Variants in GLRA1 observed in about 807,000 individuals in gnomAD.
GLRA1 encodes the protein glycine receptor subunit alpha-1.
In GLRA1, 37 loss-of-function variants were observed where a neutral mutation model predicts 48.3. The observed-to-expected ratio is 0.77, with a 90% CI of 0.59 to 1.01. GLRA1 has a LOEUF of 1.01. GLRA1 is among the 50% of genes least tolerant of loss of function. The pLI, the probability that GLRA1 is intolerant of heterozygous loss-of-function variation, is 0.00. For synonymous variants in GLRA1, 196 were observed against 210.7 expected (o/e 0.93, Z 0.60); for missense variants, 427 against 571.0 (o/e 0.75, Z 2.57).
At chr5:151,893,283 A>ACTTTCTTTTT (rs1754131802) in intron 1 of GLRA1, among the ~76,000 whole-genome samples, 1 of 76,118 alleles carries the variant, frequency 1.3e-5, no homozygotes, top group South Asian at 4.9e-4. Flanking sequence ...CCTCTGCCCA[A>ACTTTCTTTTT]CTTTCTTTCT....
rs1037358087 is a variant in GLRA1, at chr5:151,828,868, C to A, written c.1059+53G>T. On this transcript the variant is annotated intron_variant, in intron 8 of 8. Transcript: ENST00000274576. The stretch of plus-strand genomic sequence containing the variant: ...TAACACAAGACAATACTGCTTAGAA[C>A]TCTTTTGTTTACTAACAGCTGTCCC... 3 of 1,553,078 alleles carry A rather than the reference C, an allele frequency of 1.9e-6. No individual in the cohort carries two copies. In the Admixed American group the frequency reaches 5.2e-5, roughly 27 times the overall value.
intron 8 of GLRA1, among the ~76,000 whole-genome samples, chr5:151,825,905 A>C (rs1763258051): frequency 6.6e-6 from 1 of 152,210 alleles, no homozygotes; most frequent in African/African-American, 2.4e-5. Context: ...TCTGCAGAAG[A>C]AGCTTGTACA....
intron 1 of GLRA1, among the ~76,000 whole-genome samples, chr5:151,915,842 T>A (rs537913214): frequency 6.6e-6 from 1 of 152,214 alleles, no homozygotes; most frequent in East Asian, 1.9e-4. Flanking sequence ...AAAGAGGTAA[T>A]GTATGCAGAC....
intron 1 of GLRA1, among the ~76,000 whole-genome samples, chr5:151,914,726 T>C (rs2113457705): frequency 1.3e-5 from 2 of 152,288 alleles, no homozygotes; most frequent in Middle Eastern, 6.8e-3. Context: ...CTACCCCTTG[T>C]CAGAGCTCTA....
At chr5:151,856,471 GCC>G in intron 4 of GLRA1, 88 bp from the exon 5 acceptor site, 1 of 864,482 alleles carries the variant, frequency 1.2e-6, no homozygotes, top group South Asian at 1.3e-5. Context: ...AAAATCAGTT[GCC>G]CAGGATAGGG....
In GLRA1 at chr5:151,924,673, C is replaced by T; in HGVS notation, c.-124G>A. ...CCAGATGTTAAAGGGAGGCGGGGAA[C>T]AGGGGCGCGGAGGGAGAGCCCCAGG... On this transcript the variant is annotated 5_prime_UTR_variant, in exon 1 of 9. Transcript: ENST00000274576. The T allele has an allele frequency of 2.6e-6, 2 of 765,566 alleles. No homozygotes were observed. The highest frequency in any genetic ancestry group is 4.8e-6 in the Non-Finnish European group (2 of 416,722). The allele number at this position is 765,566 out of a possible 1,614,324, so 47.4% of individuals were successfully genotyped here.
At chr5:151,849,152 CTTTTCTTTTCTTT>C (rs140441934) in intron 7 of GLRA1, 2 of 132,346 alleles carry the variant, frequency 1.5e-5, no homozygotes, top group African/African-American at 9.4e-5. Flanking sequence ...TTCTTTCTTT[CTTTTCTTTTCTTT>C]TCTTTCTTTC....
intron 7 of GLRA1, among the ~76,000 whole-genome samples, chr5:151,836,691 T>C (rs1182469983): frequency 6.6e-6 from 1 of 152,038 alleles, no homozygotes; most frequent in Non-Finnish European, 1.5e-5. Flanking sequence ...AAACAAGCAA[T>C]GGGGAAAGGA....
intron 7 of GLRA1, among the ~76,000 whole-genome samples, chr5:151,838,867 A>C (rs1363882425): frequency 6.6e-6 from 1 of 152,238 alleles, no homozygotes; most frequent in Non-Finnish European, 1.5e-5. Flanking sequence ...AAATGTCAGA[A>C]GACAAAGTCA....
chr5:151,895,582 A>G (rs1754207844), intron 1 of GLRA1, among the ~76,000 whole-genome samples: 1 of 151,394 alleles, frequency 6.6e-6, no homozygotes, highest in Non-Finnish European at 1.5e-5. Flanking sequence ...CATAGCAAGC[A>G]CTCAATACAT....
chr5:151,845,560 A>C (rs2113326479), intron 7 of GLRA1, among the ~76,000 whole-genome samples: 1 of 152,350 alleles, frequency 6.6e-6, no homozygotes, highest in East Asian at 1.9e-4. Context: ...CTATAGTTAA[A>C]AAAAACAGAT....
intron 1 of GLRA1, among the ~76,000 whole-genome samples, chr5:151,923,421 T>G (rs114097936): frequency 0.013 from 2,012 of 152,312 alleles, 46 homozygotes; most frequent in African/African-American, 0.046. Context: ...GTTTTTCAAA[T>G]GACTGTTAAT....
chr5:151,823,025 C>T, intron 8 of GLRA1, 62 bp from the exon 9 acceptor site: 1 of 1,433,590 alleles, frequency 7.0e-7, no homozygotes, highest in Non-Finnish European at 9.4e-7. Context: ...ACCCTCCCTG[C>T]AAGGCACTCC....
chr5:151,848,628 C>G, intron 7 of GLRA1, among the ~76,000 whole-genome samples: 1 of 152,210 alleles, frequency 6.6e-6, no homozygotes, highest in East Asian at 1.9e-4. Flanking sequence ...TGTGACCCCT[C>G]ATGGGAGCGG....
chr5:151,853,371 A>G (rs979942698), intron 6 of GLRA1, among the ~76,000 whole-genome samples: 5 of 151,822 alleles, frequency 3.3e-5, no homozygotes, highest in African/African-American at 9.7e-5. Context: ...TCAGTCTCCA[A>G]AGTAGCTGGG....
In GLRA1 at chr5:151,869,964, T is replaced by A. The variant is rs1021044888; in HGVS notation, c.253-9956A>T. ...CAATTATAGGCTGTATCTTCCCATT[T>A]AAAAAAAATTTTAAACCAAGTTCAA... On this transcript the variant is annotated intron_variant, in intron 3 of 8. Transcript: ENST00000274576. Among the ~76,000 whole-genome samples the A allele has an allele frequency of 2.0e-5, 3 of 149,460 alleles. 1 individual carries two copies. Among genetic ancestry groups the A allele is most frequent in the East Asian group, 1.9e-4 (1 of 5,198 alleles).
At chr5:151,833,549 C>T (rs1010603867) in intron 7 of GLRA1, among the ~76,000 whole-genome samples, 8 of 152,060 alleles carry the variant, frequency 5.3e-5, no homozygotes, top group African/African-American at 1.4e-4. Context: ...CCAAATCCTC[C>T]GCCTCCTGGG....
intron 2 of GLRA1, among the ~76,000 whole-genome samples, chr5:151,891,472 T>G (rs1169699521): frequency 1.3e-5 from 2 of 152,202 alleles, no homozygotes; most frequent in Admixed American, 1.3e-4. Context: ...CACATAGATC[T>G]CGGTATCTGG....
At chr5:151,834,686 G>C (rs570136584) in intron 7 of GLRA1, among the ~76,000 whole-genome samples, 2 of 152,220 alleles carry the variant, frequency 1.3e-5, no homozygotes, top group East Asian at 3.9e-4. Flanking sequence ...TGAATCCAGG[G>C]CTGGTTTGTT....
Sources: gnomAD v4.1 joint callset for allele counts (sites outside exome capture counted in the v4.1 genomes callset) on GRCh38, gnomAD v4.1.1 for gene constraint, MANE v1.5 for transcripts, NCBI Gene and HGNC (gene_info 2026-07-23, HGNC 2026-07-21) for gene names.